The following MSH3 variants were observed in gnomAD, a reference collection of about 807,000 sequenced individuals.
MSH3 encodes mutS homolog 3.
MSH3 carries 106 observed loss-of-function variants against 123.3 expected under a neutral mutation model. The ratio of observed to expected loss-of-function variants is 0.86; its 90% CI spans 0.73 to 1.01. The LOEUF (loss-of-function observed/expected upper bound fraction) is 1.01, where lower values mean the gene tolerates loss of function less well. Ranked by LOEUF, MSH3 falls within the 50% of genes least tolerant of loss-of-function variation. The pLI is 0.00. For missense variants in MSH3, 1,459 were observed against 1,347.6 expected, an observed-to-expected ratio of 1.08 and a Z score of -1.29; for synonymous variants, 515 against 481.4, an observed-to-expected ratio of 1.07 and a Z score of -0.91.
intron 8 of MSH3, among the ~76,000 whole-genome samples, chr5:80,721,597 T>C (rs1751078781): frequency 6.6e-6 from 1 of 152,202 alleles, no homozygotes; most frequent in Non-Finnish European, 1.5e-5. Flanking sequence ...TTGTATCTTA[T>C]TGTTCATCCC....
chr5:80,699,848 T>A (rs571872079), intron 8 of MSH3, among the ~76,000 whole-genome samples: 84 of 152,298 alleles, frequency 5.5e-4, no homozygotes, highest in African/African-American at 1.9e-3. Context: ...TAAGTTACTG[T>A]TTAAAGATTG....
At chr5:80,741,865 G>T (rs1405148989) in intron 11 of MSH3, among the ~76,000 whole-genome samples, 5 of 151,708 alleles carry the variant, frequency 3.3e-5, no homozygotes, top group Admixed American at 6.6e-5. Flanking sequence ...GATTTTTTTT[G>T]TCTACTTGGT....
At chr5:80,730,323 C>G (rs1036339595) in intron 10 of MSH3, among the ~76,000 whole-genome samples, 1 of 152,124 alleles carries the variant, frequency 6.6e-6, no homozygotes, top group Non-Finnish European at 1.5e-5. Context: ...AAATCGTACT[C>G]TGTACTGCTT....
chr5:80,788,589 T>A (rs1004194603), intron 18 of MSH3, among the ~76,000 whole-genome samples: 2 of 152,090 alleles, frequency 1.3e-5, no homozygotes, highest in African/African-American at 4.8e-5. Flanking sequence ...GGCAGGAACA[T>A]CTCTTGAAAC....
intron 19 of MSH3, among the ~76,000 whole-genome samples, chr5:80,799,531 T>TTTTTTA (rs1382493048): frequency 1.7e-5 from 2 of 117,134 alleles, no homozygotes; most frequent in Admixed American, 1.0e-4. Context: ...TTTTTTTTTT[T>TTTTTTA]TACAGAAAAT....
chr5:80,775,643 A>G, intron 15 of MSH3, 51 bp from the exon 16 acceptor site: 1 of 1,067,240 alleles, frequency 9.4e-7, no homozygotes, highest in Non-Finnish European at 1.4e-6. Flanking sequence ...AAAGCTTTAA[A>G]ATATATAATG....
intron 8 of MSH3, among the ~76,000 whole-genome samples, chr5:80,699,706 A>G (rs1215945791): frequency 2.6e-5 from 4 of 152,000 alleles, no homozygotes; most frequent in Non-Finnish European, 5.9e-5. Context: ...GATCATATTG[A>G]TTTCTTATCG....
intron 15 of MSH3, among the ~76,000 whole-genome samples, chr5:80,770,841 A>G (rs1327616395): frequency 2.0e-5 from 3 of 152,220 alleles, no homozygotes; most frequent in Admixed American, 6.5e-5. Flanking sequence ...GTTTTTGAGT[A>G]AAAATGAGAG....
chr5:80,858,466 C>T (rs1000855460), intron 21 of MSH3, among the ~76,000 whole-genome samples: 6 of 151,994 alleles, frequency 3.9e-5, no homozygotes, highest in African/African-American at 9.7e-5. Context: ...TTTTTTGACC[C>T]ATATGTTTTT....
At chr5:80,692,667 T>C (rs1040428577) in intron 8 of MSH3, among the ~76,000 whole-genome samples, 6 of 90,900 alleles carry the variant, frequency 6.6e-5, no homozygotes, top group Non-Finnish European at 1.6e-4. Flanking sequence ...TATATACACA[T>C]GTATATGTTT....
intron 8 of MSH3, among the ~76,000 whole-genome samples, chr5:80,706,883 TTA>T (rs1750736045): frequency 6.6e-6 from 1 of 152,234 alleles, no homozygotes; most frequent in Non-Finnish European, 1.5e-5. Flanking sequence ...CAGGTGTAAT[TTA>T]TATGCAATAA....
At chr5:80,824,013 G>A (rs1464945483) in intron 20 of MSH3, among the ~76,000 whole-genome samples, 3 of 152,180 alleles carry the variant, frequency 2.0e-5, no homozygotes, top group African/African-American at 7.2e-5. Context: ...AGGGTTGGGG[G>A]CAAGGTCATA....
intron 19 of MSH3, among the ~76,000 whole-genome samples, chr5:80,799,500 CTTTTTTTTTT>C (rs746348952): frequency 3.2e-3 from 105 of 32,326 alleles, no homozygotes; most frequent in South Asian, 0.01. Context: ...GAAGATAGCA[CTTTTTTTTTT>C]TTTTTTTTTT....
chr5:80,769,058 T>C, intron 15 of MSH3, 55 bp downstream of exon 15: 1 of 1,481,758 alleles, frequency 6.7e-7, no homozygotes, highest in Non-Finnish European at 9.4e-7. Flanking sequence ...AGAAAAGCTA[T>C]TTTAAAATGT....
chr5:80,849,257 C>A (rs1745787642), intron 20 of MSH3, among the ~76,000 whole-genome samples: 1 of 152,206 alleles, frequency 6.6e-6, no homozygotes, highest in African/African-American at 2.4e-5. Flanking sequence ...GCTTCTTTCA[C>A]AGGCTGACAT....
intron 19 of MSH3, 91 bp downstream of exon 19, chr5:80,792,935 A>G: frequency 1.2e-6 from 1 of 856,226 alleles, no homozygotes; most frequent in Non-Finnish European, 1.9e-6. Flanking sequence ...AGTTACCCAA[A>G]TTTCAACTTT....
intron 20 of MSH3, among the ~76,000 whole-genome samples, chr5:80,851,664 A>G (rs575779871): frequency 1.3e-5 from 2 of 152,104 alleles, no homozygotes; most frequent in East Asian, 3.9e-4. Context: ...CCACCCACTC[A>G]CCTGTCCAGA....
At chr5:80,770,486 C>T (rs144102808) in intron 15 of MSH3, among the ~76,000 whole-genome samples, 2 of 152,176 alleles carry the variant, frequency 1.3e-5, no homozygotes, top group East Asian at 3.9e-4. Flanking sequence ...TTATCAAGTA[C>T]TTGTTAAAGT....
intron 2 of MSH3, among the ~76,000 whole-genome samples, chr5:80,661,919 G>A (rs574919542): frequency 6.8e-5 from 10 of 147,390 alleles, no homozygotes; most frequent in Non-Finnish European, 1.2e-4. Context: ...CACATTCTAC[G>A]GCTTGACCTT....
Sources: allele counts gnomAD v4.1 joint callset (sites outside exome capture counted in the v4.1 genomes callset), GRCh38; gene constraint gnomAD v4.1.1; transcripts MANE v1.5; gene names NCBI Gene and HGNC (gene_info 2026-07-23, HGNC 2026-07-21).